Variants in SIL1 observed in about 807,000 individuals in gnomAD.
SIL1 encodes the protein SIL1 nucleotide exchange factor, also known as nucleotide exchange factor SIL1.
A neutral mutation model predicts 49.1 loss-of-function variants in SIL1; 40 were observed. That is an observed-to-expected ratio of 0.81 (90% CI 0.63 to 1.06). The LOEUF (loss-of-function observed/expected upper bound fraction) is 1.06, where lower values mean the gene tolerates loss of function less well. Among genes scored for constraint, SIL1 ranks in the 50% least tolerant of loss-of-function variants. SIL1 has a pLI of 0.00. For synonymous variants in SIL1, 253 were observed against 250.8 expected (o/e 1.01, Z -0.08); for missense variants, 500 against 572.6 (o/e 0.87, Z 1.29).
chr5:139,176,984 G>A (rs1380481213), intron 1 of SIL1, among the ~76,000 whole-genome samples: 1 of 142,070 alleles, frequency 7.0e-6, no homozygotes, highest in Non-Finnish European at 1.5e-5. Context: ...CCAGGCTGGA[G>A]TGCAGTGACG....
intron 3 of SIL1, among the ~76,000 whole-genome samples, chr5:139,086,289 G>A (rs1267208389): frequency 2.1e-5 from 3 of 145,706 alleles, no homozygotes; most frequent in African/African-American, 5.1e-5. Flanking sequence ...AAAAAAAAAA[G>A]AAGAAGAAGA....
At chr5:138,968,382 GA>G (rs993205102) in intron 7 of SIL1, among the ~76,000 whole-genome samples, 2 of 152,098 alleles carry the variant, frequency 1.3e-5, no homozygotes, top group African/African-American at 4.8e-5. Flanking sequence ...GAGGAGGGAG[GA>G]CCTCTCTTGC....
intron 3 of SIL1, among the ~76,000 whole-genome samples, chr5:139,058,575 G>C (rs1477791185): frequency 6.6e-6 from 1 of 152,088 alleles, no homozygotes; most frequent in East Asian, 1.9e-4. Flanking sequence ...ATTTGTATGA[G>C]TATGAACTCA....
intron 7 of SIL1, among the ~76,000 whole-genome samples, chr5:139,000,889 C>A (rs563061710): frequency 1.0e-3 from 153 of 151,484 alleles, no homozygotes; most frequent in South Asian, 0.01. Flanking sequence ...TATATAATTA[C>A]CCAGATTATA....
At chr5:139,031,191 T>A (rs561119097) in intron 5 of SIL1, among the ~76,000 whole-genome samples, 2 of 152,320 alleles carry the variant, frequency 1.3e-5, no homozygotes, top group South Asian at 4.1e-4. Context: ...TAAGAACTCT[T>A]TACCTGGTCC....
At chr5:139,033,939 C>T (rs1205821764) in intron 5 of SIL1, among the ~76,000 whole-genome samples, 1 of 152,094 alleles carries the variant, frequency 6.6e-6, no homozygotes, top group African/African-American at 2.4e-5. Flanking sequence ...ACTGTAATTG[C>T]GGATTTGTCT....
chr5:139,107,633 A>G (rs776538784), intron 3 of SIL1, among the ~76,000 whole-genome samples: 44 of 152,150 alleles, frequency 2.9e-4, no homozygotes, highest in Non-Finnish European at 5.6e-4. Context: ...TGTCTCCTCC[A>G]ATCTGTGACA....
intron 3 of SIL1, among the ~76,000 whole-genome samples, chr5:139,104,312 G>A (rs1248882949): frequency 6.6e-6 from 1 of 151,498 alleles, no homozygotes; most frequent in Non-Finnish European, 1.5e-5. Flanking sequence ...TAGCCAGGCT[G>A]AAGAAGGGAC....
chr5:139,111,925 G>A (rs1397581303), intron 3 of SIL1, among the ~76,000 whole-genome samples: 6 of 152,206 alleles, frequency 3.9e-5, no homozygotes, highest in Admixed American at 2.6e-4. Flanking sequence ...CTGCCATCTC[G>A]GCTCACTGCA....
At chr5:138,967,771 C>G (rs562294534) in intron 7 of SIL1, among the ~76,000 whole-genome samples, 2 of 151,912 alleles carry the variant, frequency 1.3e-5, no homozygotes, top group South Asian at 2.1e-4. Context: ...GAACAGCAGC[C>G]CCCCCAGGAC....
In SIL1 at chr5:139,058,970, A is replaced by ATATGTGTGTGTGTGTG. The variant is rs150598113; in HGVS notation, c.245-7925_245-7924insCACACACACACACATA. 1.0e-4 allele frequency among the ~76,000 whole-genome samples: 15 copies of ATATGTGTGTGTGTGTG among 150,228 alleles called. No individual in the cohort carries two copies. The South Asian group carries it at 2.3e-3, about 23-fold the overall frequency. ...TCAGTAGGCGGAGCTAGAAATGTGT[A>ATATGTGTGTGTGTGTG]TGTGTGTGTGTGTGTGTAACAAAAT... On this transcript the variant is annotated intron_variant, in intron 3 of 9. Coordinates refer to ENST00000394817, the MANE Select transcript of SIL1 (RefSeq NM_022464.5).
intron 3 of SIL1, among the ~76,000 whole-genome samples, chr5:139,103,871 G>A (rs982635332): frequency 6.6e-5 from 10 of 152,062 alleles, no homozygotes; most frequent in African/African-American, 2.4e-4. Flanking sequence ...CACAGATCTT[G>A]TCATTGCCAA....
intron 1 of SIL1, among the ~76,000 whole-genome samples, chr5:139,170,412 AG>A (rs927995433): frequency 1.1e-4 from 16 of 143,708 alleles, no homozygotes; most frequent in African/African-American, 3.9e-4. Context: ...CATCCCATCT[AG>A]GAAGTGAGGA....
At chr5:139,156,206 G>A (rs1242928710) in intron 1 of SIL1, among the ~76,000 whole-genome samples, 2 of 152,156 alleles carry the variant, frequency 1.3e-5, no homozygotes, top group African/African-American at 4.8e-5. Context: ...CAAGTGCTTA[G>A]CAGGCAAGAT....
At chr5:138,951,473 A>C in intron 8 of SIL1, 138 bp from the exon 9 acceptor site, 1 of 873,914 alleles carries the variant, frequency 1.1e-6, no homozygotes, top group Non-Finnish European at 1.8e-6. Context: ...ATACCCCAGA[A>C]CCCAGGACTG....
chr5:139,135,036 T>G (rs1337754187), intron 1 of SIL1, among the ~76,000 whole-genome samples: 1 of 152,066 alleles, frequency 6.6e-6, no homozygotes, highest in Non-Finnish European at 1.5e-5. Flanking sequence ...AAATGGAATT[T>G]TAAAGAATAA....
intron 3 of SIL1, among the ~76,000 whole-genome samples, chr5:139,064,817 A>G (rs889278734): frequency 1.3e-5 from 2 of 152,146 alleles, no homozygotes; most frequent in African/African-American, 4.8e-5. Context: ...CCTTGAGCAA[A>G]TAACACCTAT....
chr5:139,125,105 A>G (rs1750727576), intron 2 of SIL1, among the ~76,000 whole-genome samples: 1 of 152,260 alleles, frequency 6.6e-6, no homozygotes, highest in Non-Finnish European at 1.5e-5. Context: ...TAGTCCCAGT[A>G]AAAGAACAAG....
At position 139,050,926 on chromosome 5, in the gene SIL1, T is replaced by A; in HGVS notation, c.353+12A>T. ...TCACTTAGCCTCCCAGTCCCTAGGG[T>A]TGACACTGTACCTTTTGCCTTTCAA... On this transcript the variant is annotated intron_variant, in intron 4 of 9. Coordinates refer to ENST00000394817, the MANE Select transcript of SIL1 (RefSeq NM_022464.5). The A allele has an allele frequency of 6.2e-7, 1 of 1,609,146 alleles. No homozygotes were observed. Among genetic ancestry groups the A allele is most frequent in the Non-Finnish European group, 8.5e-7 (1 of 1,175,432 alleles).
Sources: gnomAD v4.1 joint callset for allele counts (sites outside exome capture counted in the v4.1 genomes callset) on GRCh38, gnomAD v4.1.1 for gene constraint, MANE v1.5 for transcripts, NCBI Gene and HGNC (gene_info 2026-07-23, HGNC 2026-07-21) for gene names.